The following UGT3A2 variants were observed in gnomAD, a reference collection of about 807,000 sequenced individuals.
The protein encoded by UGT3A2 is UDP glycosyltransferase family 3 member A2, also known as UDP-glycosyltransferase 3A2.
In UGT3A2, 32 loss-of-function variants were observed where a neutral mutation model predicts 39.8. That is an observed-to-expected ratio of 0.80 (90% CI 0.61 to 1.08). The LOEUF is 1.08. UGT3A2 is among the 50% of genes least tolerant of loss of function. The probability of loss-of-function intolerance (pLI) is 0.00; values close to 1 mark genes in which losing one functional copy is unlikely to be tolerated. For missense variants in UGT3A2, 611 were observed against 637.1 expected, an observed-to-expected ratio of 0.96 and a Z score of 0.44; for synonymous variants, 241 against 230.7, an observed-to-expected ratio of 1.04 and a Z score of -0.40.
At chr5:36,048,580 A>G (rs1742238992) in intron 4 of UGT3A2, among the ~76,000 whole-genome samples, 1 of 152,266 alleles carries the variant, frequency 6.6e-6, no homozygotes, top group Non-Finnish European at 1.5e-5. Context: ...GTGATCACAC[A>G]AAATAAAAAT....
Position 36,048,971 on chromosome 5 carries a change from G to T in UGT3A2, c.761C>A (p.Ala254Asp). 1 of 1,614,114 alleles carries T rather than the reference G, an allele frequency of 6.2e-7. No homozygotes were observed. The highest frequency in any genetic ancestry group is 8.5e-7 in the Non-Finnish European group (1 of 1,180,032). The change falls in exon 4 of 7, where the codon GCC becomes GAC. Residue 254 changes from alanine to aspartate, a missense_variant. Transcript: ENST00000282507. Reference protein sequence around the residue: ...AELWFINSDFAFDFARPLLPN... With the variant: ...AELWFINSDFDFDFARPLLPN... Reference sequence around the variant, plus strand: ...AAGCAGAGGTCGAGCAAAATCAAAGGCAAAGTCAGAGTTAATGAACCACAA... The same window carrying T: ...AAGCAGAGGTCGAGCAAAATCAAAGTCAAAGTCAGAGTTAATGAACCACAA...
At chr5:36,047,036 C>G (rs1461461551) in intron 4 of UGT3A2, among the ~76,000 whole-genome samples, 2 of 152,184 alleles carry the variant, frequency 1.3e-5, no homozygotes, top group Non-Finnish European at 2.9e-5. Flanking sequence ...CTTCCTCTGT[C>G]CTATTGTTTC....
chr5:36,055,473 C>G (rs765863770), intron 2 of UGT3A2, among the ~76,000 whole-genome samples: 1 of 152,196 alleles, frequency 6.6e-6, no homozygotes, highest in Non-Finnish European at 1.5e-5. Flanking sequence ...CTCAGGTGAT[C>G]CGCCTGCATC....
In UGT3A2 at chr5:36,037,940, G is replaced by A; in HGVS notation, c.1152C>T (p.Pro384=). ...SIMEAIQHGV[P]MVGIPLFGDQ... ...CTCCAAAGAGAGGGATCCCCACCAT[G>A]GGCACACCATGCTGGATGGCCTCCA... Residue 384 remains proline (P), a synonymous_variant, in exon 6 of 7, where the codon CCC becomes CCT. Coordinates refer to ENST00000282507, the MANE Select transcript of UGT3A2 (RefSeq NM_174914.4). 1 of 1,614,132 alleles carries A rather than the reference G, an allele frequency of 6.2e-7. No individual in the cohort carries two copies. The highest frequency in any genetic ancestry group is 1.3e-5 in the African/African-American group (1 of 75,048).
intron 4 of UGT3A2, among the ~76,000 whole-genome samples, chr5:36,046,464 A>G (rs1193655753): frequency 1.3e-5 from 2 of 152,230 alleles, no homozygotes; most frequent in Non-Finnish European, 2.9e-5. Flanking sequence ...TTGCAACAAT[A>G]TGGATGAAAC....
At chr5:36,053,037 C>T (rs1484371221) in intron 2 of UGT3A2, among the ~76,000 whole-genome samples, 1 of 152,204 alleles carries the variant, frequency 6.6e-6, no homozygotes, top group East Asian at 1.9e-4. Flanking sequence ...CAATGCATGG[C>T]TACTCATAGT....
chr5:36,042,624 C>T (rs546030799), intron 4 of UGT3A2, among the ~76,000 whole-genome samples: 2 of 152,042 alleles, frequency 1.3e-5, no homozygotes, highest in Admixed American at 6.5e-5. Context: ...AGAGACTTAA[C>T]ATGTTGCCTC....
intron 4 of UGT3A2, among the ~76,000 whole-genome samples, chr5:36,040,495 A>C (rs1388840730): frequency 6.6e-6 from 1 of 152,228 alleles, no homozygotes; most frequent in Non-Finnish European, 1.5e-5. Flanking sequence ...ACAGTCTTCA[A>C]TTACCATGTG....
chr5:36,056,411 C>G (rs1256911798), intron 2 of UGT3A2, among the ~76,000 whole-genome samples: 1 of 152,224 alleles, frequency 6.6e-6, no homozygotes, highest in Non-Finnish European at 1.5e-5. Flanking sequence ...AGACTCCATT[C>G]ATCCCGGGCA....
intron 2 of UGT3A2, among the ~76,000 whole-genome samples, chr5:36,063,738 C>T (rs972825418): frequency 3.3e-5 from 5 of 152,072 alleles, no homozygotes; most frequent in Non-Finnish European, 7.4e-5. Context: ...CTGGCTCAAG[C>T]GATCCTCCAC....
intron 5 of UGT3A2, among the ~76,000 whole-genome samples, 179 bp from the exon 6 acceptor site, chr5:36,038,195 G>A (rs755602676): frequency 9.9e-5 from 15 of 152,280 alleles, no homozygotes; most frequent in African/African-American, 1.9e-4. Context: ...GATTCCAAGC[G>A]TTGCTATCGT....
chr5:36,052,697 C>T (rs1284216694), intron 2 of UGT3A2, among the ~76,000 whole-genome samples: 3 of 152,050 alleles, frequency 2.0e-5, no homozygotes. Context: ...CTCTCTAAAG[C>T]CATTTTTCAG....
chr5:36,053,616 T>C (rs1412895253), intron 2 of UGT3A2, among the ~76,000 whole-genome samples: 1 of 152,208 alleles, frequency 6.6e-6, no homozygotes, highest in Non-Finnish European at 1.5e-5. Context: ...TGAGCACCTA[T>C]CATGGCTGTT....
chr5:36,066,151 G>A (rs1042005151), intron 1 of UGT3A2, among the ~76,000 whole-genome samples: 1 of 152,148 alleles, frequency 6.6e-6, no homozygotes, highest in African/African-American at 2.4e-5. Context: ...GGTTTCCCCT[G>A]GTGGAAAACA....
intron 2 of UGT3A2, among the ~76,000 whole-genome samples, chr5:36,060,078 C>T (rs1742640020): frequency 6.6e-6 from 1 of 152,204 alleles, no homozygotes; most frequent in Non-Finnish European, 1.5e-5. Context: ...AAGAAAACCA[C>T]ACAGGAAGCT....
chr5:36,037,973 AT>A lies in UGT3A2; in HGVS notation c.1118del (p.Asn373IlefsTer3), dbSNP rs1561488447. On this transcript the variant is annotated frameshift_variant, in exon 6 of 7. Transcript: ENST00000282507. LOFTEE classifies it high-confidence loss of function. ...CATGCTGGATGGCCTCCATTATGCT[AT>A]TCTGCCCGCCGTGGGTGACAAACAG... is the stretch of plus-strand genomic sequence containing the variant. ...IRLFVTHGGQ[N>X]SIMEAIQHGV... 6.2e-7 allele frequency: 1 copy of A among 1,612,740 alleles called. No homozygotes were observed. The highest frequency in any genetic ancestry group is 8.5e-7 in the Non-Finnish European group (1 of 1,179,630).
chr5:36,044,236 A>G (rs913957914), intron 4 of UGT3A2, among the ~76,000 whole-genome samples: 1 of 152,150 alleles, frequency 6.6e-6, no homozygotes, highest in African/African-American at 2.4e-5. Context: ...AATGAAAAAA[A>G]CCATATGATC....
chr5:36,064,371 C>T lies in UGT3A2; in HGVS notation c.95-21G>A, dbSNP rs566877521. ...TCCACCTAGGAACAATGCACAACTT[C>T]AGTTCTGGAATGATGAGAATACAGT... On this transcript the variant is annotated intron_variant, in intron 1 of 6. Transcript: ENST00000282507. 1.9e-6 allele frequency: 3 copies of T among 1,596,886 alleles called. No homozygotes were observed. The South Asian group carries it at 3.3e-5, about 18-fold the overall frequency.
At chr5:36,043,711 G>A (rs1369937859) in intron 4 of UGT3A2, among the ~76,000 whole-genome samples, 1 of 101,154 alleles carries the variant, frequency 9.9e-6, no homozygotes, top group Non-Finnish European at 2.6e-5. Flanking sequence ...AGGATCATTA[G>A]AAACATCTGT....
Sources: allele counts gnomAD v4.1 joint callset (sites outside exome capture counted in the v4.1 genomes callset), GRCh38; gene constraint gnomAD v4.1.1; transcripts MANE v1.5; gene names NCBI Gene and HGNC (gene_info 2026-07-23, HGNC 2026-07-21).